SGSM2: variants seen among roughly 807,000 people sequenced by gnomAD.
The protein encoded by SGSM2 is RUN and TBC1 domain containing 1.
Under a neutral mutation model 126.6 loss-of-function variants are expected in SGSM2, and 89 were observed. That is an observed-to-expected ratio of 0.70 (90% CI 0.59 to 0.84). The LOEUF (loss-of-function observed/expected upper bound fraction) is 0.84. SGSM2 is among the 40% of genes least tolerant of loss of function. The probability of loss-of-function intolerance (pLI) is 0.00; values close to 1 mark genes in which losing one functional copy is unlikely to be tolerated. For missense variants in SGSM2, 1,404 were observed against 1,416.6 expected, an observed-to-expected ratio of 0.99 and a Z score of 0.14; for synonymous variants, 614 against 574.3, an observed-to-expected ratio of 1.07 and a Z score of -0.99.
intron 17 of SGSM2, 67 bp from the exon 18 acceptor site, chr17:2,375,425 C>T: frequency 3.9e-6 from 6 of 1,531,446 alleles, no homozygotes; most frequent in East Asian, 2.3e-5. Context: ...CCTTCTGGCC[C>T]GAGGAGGCGG....
At chr17:2,373,582 G>A in intron 17 of SGSM2, 69 bp downstream of exon 17, 1 of 1,424,776 alleles carries the variant, frequency 7.0e-7, no homozygotes, top group Non-Finnish European at 9.5e-7. Context: ...CAGTGGTCCT[G>A]AGCACCAGCC....
Position 2,376,743 on chromosome 17 carries a change from G to A in SGSM2, c.2620G>A (p.Glu874Lys), listed in dbSNP as rs745356247. Residue 874 changes from glutamate to lysine, a missense_variant, in exon 20 of 24, where the codon GAG becomes AAG. Physicochemically the swap from Glu to Lys is moderately conservative, Grantham distance 56. Transcript: ENST00000268989. ...LRDVMCSYVWEHLDVGYVQGM... is the reference protein window; with the variant it reads ...LRDVMCSYVWKHLDVGYVQGM... ...CCCCCTGCCTTTCAGCTACGTGTGG[G>A]AGCACCTGGACGTGGGCTATGTGCA... 3.1e-6 allele frequency: 5 copies of A among 1,613,892 alleles called. No homozygotes were observed. The South Asian group carries it at 5.5e-5, about 18-fold the overall frequency.
intron 2 of SGSM2, among the ~76,000 whole-genome samples, chr17:2,346,261 T>C (rs1326824679): frequency 6.6e-6 from 1 of 152,152 alleles, no homozygotes; most frequent in Admixed American, 6.5e-5. Context: ...CCACGGTCCC[T>C]AGTTTCAAGG....
At chr17:2,371,503 A>G in intron 13 of SGSM2, 88 bp downstream of exon 13, 1 of 1,459,192 alleles carries the variant, frequency 6.9e-7, no homozygotes, top group African/African-American at 1.4e-5. Flanking sequence ...TGTCACCTGC[A>G]CGACAGGGTG....
At chr17:2,343,671 C>T (rs1428518609) in intron 2 of SGSM2, 51 bp downstream of exon 2, 2 of 1,545,768 alleles carry the variant, frequency 1.3e-6, no homozygotes, top group Non-Finnish European at 1.8e-6. Context: ...GCCGAGGACA[C>T]TGGCCTGGGG....
rs2066379469 is a variant in SGSM2 at position 2,380,863 on chromosome 17, CT to C, written c.*1344del. The C allele has an allele frequency of 6.2e-6, 1 of 161,348 alleles. No homozygotes were observed. Among genetic ancestry groups the C allele is most frequent in the Admixed American group, 6.3e-5 (1 of 15,958 alleles). The allele number at this position is 161,348 out of a possible 1,614,324, so 10.0% of individuals were successfully genotyped here. On this transcript the variant is annotated 3_prime_UTR_variant, in exon 24 of 24. Transcript: ENST00000268989. The stretch of plus-strand genomic sequence containing the variant: ...GCCCTGCCCCCGGGCACTGCACAGC[CT>C]GTCTGGGGGCCAGACCACCCCATTG...
intron 2 of SGSM2, among the ~76,000 whole-genome samples, chr17:2,351,111 G>C (rs2064829056): frequency 6.6e-6 from 1 of 152,142 alleles, no homozygotes; most frequent in Non-Finnish European, 1.5e-5. Flanking sequence ...AAATTAGCCG[G>C]CCATGATGGT....
At chr17:2,378,933 T>TCAGCCTCAGCCC (rs1311188364) in intron 22 of SGSM2, 103 bp from the exon 23 acceptor site, 10 of 1,220,238 alleles carry the variant, frequency 8.2e-6, no homozygotes, top group Non-Finnish European at 8.6e-6. Flanking sequence ...AGCCTCAGCC[T>TCAGCCTCAGCCC]CAGCCTCAGC....
chr17:2,353,432 T>C (rs2064957147), intron 2 of SGSM2, among the ~76,000 whole-genome samples: 1 of 152,100 alleles, frequency 6.6e-6, no homozygotes, highest in African/African-American at 2.4e-5. Flanking sequence ...GCATTCATAA[T>C]ATATTTAACT....
rs2065340557 is a variant in SGSM2, at chr17:2,362,220, C to T, written c.408C>T (p.Leu136=). ...AACACGTATGGGTACGCACGGCGCT[C>T]ATCGAGAAAGTTCTGGACAAGGTCG... ...ALKHVWVRTA[L]IEKVLDKVVQ... is the part of the protein sequence containing the mutation. The change falls in exon 4 of 24, where the codon CTC becomes CTT. Residue 136 remains leucine, a synonymous_variant. Coordinates refer to ENST00000268989, the MANE Select transcript of SGSM2 (RefSeq NM_014853.3). This position sits in a 1 kb window ranked among gnomAD's most constrained non-coding sequence, Gnocchi z 4.9. The T allele has an allele frequency of 1.9e-6, 3 of 1,613,686 alleles. No homozygotes were observed. Among genetic ancestry groups the T allele is most frequent in the South Asian group, 1.1e-5 (1 of 91,074 alleles).
intron 13 of SGSM2, chr17:2,371,918 A>G (rs996598437): frequency 4.1e-5 from 21 of 510,638 alleles, no homozygotes; most frequent in Non-Finnish European, 7.0e-5. Flanking sequence ...GCCTCTCTCC[A>G]TTTTTCACAT....
At chr17:2,339,804 C>G (rs1269887454) in intron 1 of SGSM2, among the ~76,000 whole-genome samples, 1 of 152,096 alleles carries the variant, frequency 6.6e-6, no homozygotes, top group Non-Finnish European at 1.5e-5. Flanking sequence ...TCCCACCCCT[C>G]CCCTTGGTAA....
In SGSM2 at chr17:2,337,779, G is replaced by T; in HGVS notation, c.57+34G>T. Reference sequence around the variant, plus strand: ...GAGTCAAGAACCCCGGGGGGCTCGCGCCCTGGCCCGCGCGGCCCAGGGGGC... The same window carrying T: ...GAGTCAAGAACCCCGGGGGGCTCGCTCCCTGGCCCGCGCGGCCCAGGGGGC... On this transcript the variant is annotated intron_variant, in intron 1 of 23. Transcript: ENST00000268989. This position sits in a 1 kb window ranked among gnomAD's most constrained non-coding sequence, Gnocchi z 5.1. 6.8e-7 allele frequency: 1 copy of T among 1,475,298 alleles called. No homozygotes were observed. Among genetic ancestry groups the T allele is most frequent in the Non-Finnish European group, 9.1e-7 (1 of 1,101,784 alleles). The allele number at this position is 1,475,298 out of a possible 1,614,324, so 91.4% of individuals were successfully genotyped here.
chr17:2,364,836 G>A, intron 9 of SGSM2, 61 bp from the exon 10 acceptor site: 1 of 1,591,338 alleles, frequency 6.3e-7, no homozygotes, highest in Non-Finnish European at 8.5e-7. Context: ...GGGGGCACTG[G>A]CCAGCAGGGT....
At chr17:2,347,356 C>T (rs1360282675) in intron 2 of SGSM2, among the ~76,000 whole-genome samples, 2 of 151,656 alleles carry the variant, frequency 1.3e-5, no homozygotes, top group Non-Finnish European at 2.9e-5. Flanking sequence ...ATCTGCCCAC[C>T]TTGGCCTCCC....
chr17:2,359,852 C>T (rs750561347), intron 2 of SGSM2, among the ~76,000 whole-genome samples: 7 of 152,150 alleles, frequency 4.6e-5, no homozygotes, highest in Non-Finnish European at 1.0e-4. Flanking sequence ...TGCTTCTCTC[C>T]CCACTCTGAA....
Position 2,363,266 on chromosome 17 carries a change from C to A in SGSM2, c.672+132C>A. The A allele has an allele frequency of 7.5e-7, 1 of 1,340,946 alleles. No individual in the cohort carries two copies. The allele number at this position is 1,340,946 out of a possible 1,614,324, so 83.1% of individuals were successfully genotyped here. On this transcript the variant is annotated intron_variant, in intron 6 of 23. Coordinates refer to ENST00000268989, the MANE Select transcript of SGSM2 (RefSeq NM_014853.3). The surrounding 1 kb of genome is among the most constrained non-coding windows in gnomAD (Gnocchi z 4.2). ...GTAGCGGCTGCCTCAGAAGAGCCTT[C>A]TCCGCACAATAAAACTTAACACAAA...
chr17:2,373,865 G>A (rs2066002571), intron 17 of SGSM2: 1 of 234,192 alleles, frequency 4.3e-6, no homozygotes, highest in Non-Finnish European at 8.4e-6. Context: ...CTGACAAGCT[G>A]AATGTCTCTG....
Position 2,373,194 on chromosome 17 carries a change from G to C in SGSM2, c.1917+113G>C, listed in dbSNP as rs969126388. On this transcript the variant is annotated intron_variant, in intron 16 of 23. Coordinates refer to ENST00000268989, the MANE Select transcript of SGSM2 (RefSeq NM_014853.3). ...TTCCCAGCCGGAAAGAAGCATGGCA[G>C]GGCAGCTCCACCGTCCTTACCCTGA... The C allele has an allele frequency of 1.9e-6, 3 of 1,551,118 alleles. No homozygotes were observed. The African/African-American group carries it at 4.1e-5, about 21-fold the overall frequency.
Sources: gnomAD v4.1 joint callset for allele counts (sites outside exome capture counted in the v4.1 genomes callset) on GRCh38, gnomAD v4.1.1 for gene constraint, Gnocchi (gnomAD v3.1) non-coding constraint, MANE v1.5 for transcripts, NCBI Gene and HGNC (gene_info 2026-07-23, HGNC 2026-07-21) for gene names.